Variants in CCDC42 observed in about 807,000 individuals in gnomAD.
CCDC42 encodes coiled-coil domain-containing protein 42.
CCDC42 carries 38 observed loss-of-function variants against 40.8 expected under a neutral mutation model. The ratio of observed to expected loss-of-function variants is 0.93; its 90% CI spans 0.72 to 1.22. The LOEUF (loss-of-function observed/expected upper bound fraction) is 1.22, where lower values mean the gene tolerates loss of function less well. CCDC42 is among the 50% of genes most tolerant of loss of function. The probability of loss-of-function intolerance (pLI) is 0.00; values close to 1 mark genes in which losing one functional copy is unlikely to be tolerated. For synonymous variants in CCDC42, 135 were observed against 157.5 expected (o/e 0.86, Z 1.07); for missense variants, 379 against 416.5 (o/e 0.91, Z 0.78).
intron 3 of CCDC42, among the ~76,000 whole-genome samples, chr17:8,742,535 C>T (rs1045233065): frequency 3.3e-5 from 5 of 152,224 alleles, no homozygotes; most frequent in African/African-American, 9.6e-5. Context: ...GCCCACCCCT[C>T]GCCCTGTGTG....
chr17:8,738,200 G>A (rs985689654), intron 4 of CCDC42, among the ~76,000 whole-genome samples: 1 of 152,120 alleles, frequency 6.6e-6, no homozygotes, highest in African/African-American at 2.4e-5. Context: ...TGTGACAATG[G>A]TGTAGTTATT....
Position 8,730,239 on chromosome 17 carries a change from G to A in CCDC42, c.874-32C>T, listed in dbSNP as rs201187318. 74 of 1,553,062 alleles carry A rather than the reference G, an allele frequency of 4.8e-5. No individual in the cohort carries two copies. In the East Asian group the frequency reaches 1.3e-3, roughly 27 times the overall value. On this transcript the variant is annotated intron_variant, in intron 6 of 6. Coordinates refer to ENST00000293845, the MANE Select transcript of CCDC42 (RefSeq NM_144681.3). The stretch of plus-strand genomic sequence containing the variant: ...AGGCAAGGAGCCCAGCGTTAACTCC[G>A]CCCCCCAGAGGCCTCCCCTGTCCCA...
Position 8,743,696 on chromosome 17 carries a change from C to CA in CCDC42, c.223_224insT (p.Arg75LeufsTer8). The CA allele has an allele frequency of 6.2e-7, 1 of 1,610,988 alleles. No homozygotes were observed. Among genetic ancestry groups the CA allele is most frequent in the Middle Eastern group, 1.7e-4 (1 of 6,058 alleles). ...TTCCTTAACGCCCAGTTCCTCCCAG[C>CA]GCAGGTTCAGGGTTTCCATTCTGCG... On this transcript the variant is annotated frameshift_variant, in exon 3 of 7. Transcript: ENST00000293845. LOFTEE classifies it high-confidence loss of function.
intron 4 of CCDC42, among the ~76,000 whole-genome samples, chr17:8,737,153 T>C (rs1597345087): frequency 6.6e-6 from 1 of 151,894 alleles, no homozygotes; most frequent in Admixed American, 6.6e-5. Context: ...ACTTTATCCA[T>C]TGAAGGATTT....
Position 8,741,640 on chromosome 17 carries a change from T to C in CCDC42, c.326A>G (p.Lys109Arg). The C allele has an allele frequency of 6.2e-7, 1 of 1,613,640 alleles. No individual in the cohort carries two copies. Among genetic ancestry groups the C allele is most frequent in the Non-Finnish European group, 8.5e-7 (1 of 1,180,010 alleles). The part of the protein sequence containing the change: ...ENDQKRIRAM[K>R]KANKERELKC... Reference sequence around the variant, plus strand: ...GAGTTCTCGCTCCTTGTTGGCTTTCTTCATGGCGCGGATCCGTTTCTGGTC... The same window carrying C: ...GAGTTCTCGCTCCTTGTTGGCTTTCCTCATGGCGCGGATCCGTTTCTGGTC... The change falls in exon 4 of 7, where the codon AAG (lysine) becomes AGG (arginine). Residue 109 changes from lysine to arginine, a missense_variant. Coordinates refer to ENST00000293845, the MANE Select transcript of CCDC42 (RefSeq NM_144681.3).
rs1410669413 is a variant in CCDC42 at position 8,735,447 on chromosome 17, A to G, written c.657T>C (p.Asn219=). 3.1e-6 allele frequency: 5 copies of G among 1,614,004 alleles called. No individual in the cohort carries two copies. The East Asian group carries it at 8.9e-5, about 29-fold the overall frequency. The change falls in exon 5 of 7, where the codon AAT becomes AAC. Residue 219 remains asparagine, a synonymous_variant. Transcript: ENST00000293845. The surrounding 1 kb of genome is among the most constrained non-coding windows in gnomAD (Gnocchi z 4.7). ...EKDDEILQQN[N]ELARLQMRFD... ...AGCGCATCTGCAGCCTTGCCAGCTC[A>G]TTGTTTTGCTGCAGGATCTCATCAT...
chr17:8,740,140 G>A (rs894735852), intron 4 of CCDC42, among the ~76,000 whole-genome samples: 24 of 152,200 alleles, frequency 1.6e-4, no homozygotes, highest in African/African-American at 5.3e-4. Flanking sequence ...TCTGGCTGTT[G>A]GTCACATGGG....
Position 8,744,060 on chromosome 17 carries a change from T to TC in CCDC42, c.189+18dup. ...CCCTTCCTTTCCTGCCCCTCTGCACTCCATCCCTGAGTCCCCACCTTCTTC... is the reference window on the plus strand; with the variant it reads ...CCCTTCCTTTCCTGCCCCTCTGCACTCCCATCCCTGAGTCCCCACCTTCTTC... On this transcript the variant is annotated intron_variant, in intron 2 of 6. Transcript: ENST00000293845. 7.0e-7 allele frequency: 1 copy of TC among 1,418,646 alleles called. No individual in the cohort carries two copies. 87.9% of individuals were successfully genotyped at this position (1,418,646 alleles called of 1,614,324 possible).
intron 1 of CCDC42, 57 bp downstream of exon 1, chr17:8,744,470 T>C: frequency 7.5e-7 from 1 of 1,339,646 alleles, no homozygotes; most frequent in Non-Finnish European, 1.1e-6. Context: ...AGGTATGGGG[T>C]GGGTGTGAGT....
chr17:8,743,956 A>G lies in CCDC42; in HGVS notation c.189+123T>C, dbSNP rs543364881. Reference sequence around the variant, plus strand: ...TTCTCCCCAAAGAGACCAGATCACCATAGAGGACTCCTGGCTCTAGCCACC... The same window carrying G: ...TTCTCCCCAAAGAGACCAGATCACCGTAGAGGACTCCTGGCTCTAGCCACC... On this transcript the variant is annotated intron_variant, in intron 2 of 6. Transcript: ENST00000293845. 11 of 735,032 alleles carry G rather than the reference A, an allele frequency of 1.5e-5. No individual in the cohort carries two copies. The East Asian group carries it at 2.6e-4, about 17-fold the overall frequency. The allele number at this position is 735,032 out of a possible 1,614,324, so 45.5% of individuals were successfully genotyped here.
At chr17:8,737,784 T>C (rs958135217) in intron 4 of CCDC42, among the ~76,000 whole-genome samples, 1 of 152,312 alleles carries the variant, frequency 6.6e-6, no homozygotes, top group Non-Finnish European at 1.5e-5. Flanking sequence ...TGGACTCTCA[T>C]TGGAACAAAC....
chr17:8,739,103 G>T (rs1461930776), intron 4 of CCDC42, among the ~76,000 whole-genome samples: 1 of 151,438 alleles, frequency 6.6e-6, no homozygotes, highest in Non-Finnish European at 1.5e-5. Flanking sequence ...ACAAAATAAA[G>T]AAGAAAAAAG....
At chr17:8,740,309 T>C (rs2086634414) in intron 4 of CCDC42, among the ~76,000 whole-genome samples, 2 of 151,482 alleles carry the variant, frequency 1.3e-5, no homozygotes, top group South Asian at 2.1e-4. Context: ...ACCAACATGG[T>C]GAAACCCATC....
In CCDC42 at chr17:8,730,000, A is replaced by G; in HGVS notation, c.*130T>C. ...GGATAGAGTGAGGCCCACGGGGGAA[A>G]ATAAGCAGGTGTCCCTCAGCAGGAA... On this transcript the variant is annotated 3_prime_UTR_variant, in exon 7 of 7. Coordinates refer to ENST00000293845, the MANE Select transcript of CCDC42 (RefSeq NM_144681.3). 2 of 756,808 alleles carry G rather than the reference A, an allele frequency of 2.6e-6. No individual in the cohort carries two copies. The highest frequency in any genetic ancestry group is 4.6e-6 in the Non-Finnish European group (2 of 434,240). 46.9% of individuals were successfully genotyped at this position (756,808 alleles called of 1,614,324 possible).
At chr17:8,734,194 T>C (rs2086596951) in intron 6 of CCDC42, among the ~76,000 whole-genome samples, 1 of 152,242 alleles carries the variant, frequency 6.6e-6, no homozygotes, top group African/African-American at 2.4e-5. Context: ...ATACTTTTTA[T>C]CATTATTTAA....
chr17:8,742,650 G>A (rs1407447498), intron 3 of CCDC42, among the ~76,000 whole-genome samples: 1 of 152,188 alleles, frequency 6.6e-6, no homozygotes, highest in Non-Finnish European at 1.5e-5. Context: ...TCTGTATGCT[G>A]CCCTGTAAGC....
intron 4 of CCDC42, among the ~76,000 whole-genome samples, chr17:8,741,166 G>A (rs1054914468): frequency 6.6e-6 from 1 of 152,210 alleles, no homozygotes; most frequent in South Asian, 2.1e-4. Flanking sequence ...ACATAGACAC[G>A]CAACTCATGC....
chr17:8,743,773 C>T (rs1210723482), intron 2 of CCDC42, 43 bp from the exon 3 acceptor site: 1 of 1,159,444 alleles, frequency 8.6e-7, no homozygotes, highest in Non-Finnish European at 1.3e-6. Context: ...AGGAGGGCTC[C>T]TGACATGAGT....
rs751335200 is a variant in CCDC42, at chr17:8,735,053, C to T, written c.873+43G>A. The T allele has an allele frequency of 1.2e-6, 2 of 1,609,640 alleles. No homozygotes were observed. Among genetic ancestry groups the T allele is most frequent in the South Asian group, 2.2e-5 (2 of 90,870 alleles). ...CCCAACCAACTGGCAACCTCCTCGG[C>T]CCAGCCGACCCCACGGGCCCAGTGC... On this transcript the variant is annotated intron_variant, in intron 6 of 6. Coordinates refer to ENST00000293845, the MANE Select transcript of CCDC42 (RefSeq NM_144681.3). The surrounding 1 kb of genome is among the most constrained non-coding windows in gnomAD (Gnocchi z 4.7).
Sources: allele counts gnomAD v4.1 joint callset (sites outside exome capture counted in the v4.1 genomes callset), GRCh38; gene constraint gnomAD v4.1.1; non-coding constraint Gnocchi (gnomAD v3.1); transcripts MANE v1.5; gene names NCBI Gene and HGNC (gene_info 2026-07-23, HGNC 2026-07-21).